The following MDH2 variants were observed in gnomAD, a reference collection of about 807,000 sequenced individuals.
MDH2 encodes the protein malate dehydrogenase, mitochondrial.
Under a neutral mutation model 33.6 loss-of-function variants are expected in MDH2, and 25 were observed. That is an observed-to-expected ratio of 0.74 (90% CI 0.54 to 1.04). MDH2 has a LOEUF of 1.04. Ranked by LOEUF, MDH2 falls within the 50% of genes least tolerant of loss-of-function variation. MDH2 has a pLI of 0.00. For synonymous variants in MDH2, 193 were observed against 188.7 expected, an observed-to-expected ratio of 1.02 and a Z score of -0.19; for missense variants, 432 against 445.0, an observed-to-expected ratio of 0.97 and a Z score of 0.26.
chr7:76,052,737 G>A (rs1797662703), intron 1 of MDH2, among the ~76,000 whole-genome samples: 1 of 151,782 alleles, frequency 6.6e-6, no homozygotes, highest in Admixed American at 6.6e-5. Context: ...GTAGAGATGG[G>A]GTTTTGCCAT....
chr7:76,066,547 G>C lies in MDH2; in HGVS notation c.*137G>C. On this transcript the variant is annotated 3_prime_UTR_variant, in exon 9 of 9. Coordinates refer to ENST00000315758, the MANE Select transcript of MDH2 (RefSeq NM_005918.4). ...GACATCATCATGCCTTCCAAATTGT[G>C]GGTGGCTCTGTGGGCGCATCAATAA... 8.8e-7 allele frequency: 1 copy of C among 1,133,798 alleles called. No homozygotes were observed. The highest frequency in any genetic ancestry group is 1.2e-6 in the Non-Finnish European group (1 of 853,708). The allele number at this position is 1,133,798 out of a possible 1,614,324, so 70.2% of individuals were successfully genotyped here. A position where few individuals can be genotyped will look rare whatever the true frequency, so the allele number is the denominator to read the frequency against.
At chr7:76,062,398 G>A (rs1013665394) in intron 5 of MDH2, among the ~76,000 whole-genome samples, 7 of 152,208 alleles carry the variant, frequency 4.6e-5, no homozygotes, top group Admixed American at 1.3e-4. Flanking sequence ...TGCAGTGCCC[G>A]CACGTGTGTG....
intron 5 of MDH2, among the ~76,000 whole-genome samples, chr7:76,063,263 G>A (rs1173718557): frequency 6.6e-6 from 1 of 152,222 alleles, no homozygotes; most frequent in East Asian, 1.9e-4. Context: ...CACTATGAAG[G>A]AAGGACTTGC....
chr7:76,056,250 C>T (rs1104879), intron 2 of MDH2, among the ~76,000 whole-genome samples: 65,206 of 152,102 alleles, frequency 0.43, 15,630 homozygotes, highest in African/African-American at 0.64. Flanking sequence ...AGTTGCAGTA[C>T]GTATCTTTAT....
At position 76,064,954 on chromosome 7, in the gene MDH2, G is replaced by A; in HGVS notation, c.885+1G>A. ...CTTCTCCACACCGCTGCTGCTTGGG[G>A]TACGTATCCAGGCGTGGGTCCTTCT... is the stretch of plus-strand genomic sequence containing the variant. On this transcript the variant is annotated splice_donor_variant, in intron 8 of 8. Coordinates refer to ENST00000315758, the MANE Select transcript of MDH2 (RefSeq NM_005918.4). LOFTEE classifies it high-confidence loss of function. The A allele has an allele frequency of 6.2e-7, 1 of 1,614,116 alleles. No individual in the cohort carries two copies. The highest frequency in any genetic ancestry group is 8.5e-7 in the Non-Finnish European group (1 of 1,180,000).
At chr7:76,062,742 C>T (rs1797989497) in intron 5 of MDH2, among the ~76,000 whole-genome samples, 1 of 152,152 alleles carries the variant, frequency 6.6e-6, no homozygotes, top group Admixed American at 6.5e-5. Context: ...TGGCAACACC[C>T]CATCTGTACA....
intron 5 of MDH2, 98 bp from the exon 6 acceptor site, chr7:76,063,417 C>A: frequency 1.7e-6 from 2 of 1,193,800 alleles, no homozygotes; most frequent in Non-Finnish European, 2.5e-6. Context: ...ACCCTGAGTT[C>A]TGGGGGGCTT....
chr7:76,065,960 T>C (rs1798084825), intron 8 of MDH2, among the ~76,000 whole-genome samples: 1 of 152,224 alleles, frequency 6.6e-6, no homozygotes, highest in Non-Finnish European at 1.5e-5. Context: ...CTTGTCGCAT[T>C]GTCCTCGTGT....
chr7:76,048,742 G>C lies in MDH2; in HGVS notation c.66+516G>C, dbSNP rs972000925. On this transcript the variant is annotated intron_variant, in intron 1 of 8. Transcript: ENST00000315758. The stretch of plus-strand genomic sequence containing the variant: ...CAGAGGATTAGAATTCAGCGCTTCT[G>C]ACCTGAAGACGGCTTCCTCTTAACC... The C allele has an allele frequency of 2.4e-6, 3 of 1,231,566 alleles. No homozygotes were observed. In the African/African-American group the frequency reaches 4.7e-5, roughly 19 times the overall value. The allele number at this position is 1,231,566 out of a possible 1,614,324, so 76.3% of individuals were successfully genotyped here.
chr7:76,066,104 C>T (rs1161477807), intron 8 of MDH2, among the ~76,000 whole-genome samples, 175 bp from the exon 9 acceptor site: 3 of 152,092 alleles, frequency 2.0e-5, no homozygotes, highest in African/African-American at 7.2e-5. Context: ...GAGCCTCGCA[C>T]TCCTGACCGC....
chr7:76,055,700 G>A (rs911221792), intron 2 of MDH2, among the ~76,000 whole-genome samples: 36 of 146,198 alleles, frequency 2.5e-4, no homozygotes, highest in Non-Finnish European at 5.3e-4. Flanking sequence ...TTACACCACT[G>A]CACTTCAGCC....
intron 5 of MDH2, among the ~76,000 whole-genome samples, chr7:76,061,431 A>T (rs1359325932): frequency 6.6e-6 from 1 of 152,156 alleles, no homozygotes; most frequent in Admixed American, 6.5e-5. Flanking sequence ...TTCAAAAGGC[A>T]TGGCCCCAGG....
chr7:76,059,722 G>C (rs2116682002), intron 4 of MDH2, among the ~76,000 whole-genome samples: 1 of 152,316 alleles, frequency 6.6e-6, no homozygotes, highest in Non-Finnish European at 1.5e-5. Flanking sequence ...TGGCCTCTAA[G>C]GGTCCTGCGT....
intron 5 of MDH2, among the ~76,000 whole-genome samples, chr7:76,062,204 A>T (rs1304720894): frequency 6.6e-6 from 1 of 152,134 alleles, no homozygotes; most frequent in Non-Finnish European, 1.5e-5. Flanking sequence ...CACCCACCAT[A>T]TTCCCTTTCA....
chr7:76,052,132 C>G (rs963759), intron 1 of MDH2, among the ~76,000 whole-genome samples: 32,378 of 152,078 alleles, frequency 0.21, 4,369 homozygotes, highest in African/African-American at 0.37. Flanking sequence ...ATTTAAGCAC[C>G]CTAGCGAGGG....
At chr7:76,060,277 C>A in intron 4 of MDH2, 96 bp from the exon 5 acceptor site, 1 of 1,518,932 alleles carries the variant, frequency 6.6e-7, no homozygotes. Flanking sequence ...CTAGTTAGAC[C>A]TTTGGGAAGG....
At chr7:76,049,052 G>T (rs1275156247) in intron 1 of MDH2, 1 of 984,872 alleles carries the variant, frequency 1.0e-6, no homozygotes, top group African/African-American at 1.8e-5. Context: ...AACCCAGGAG[G>T]TGCTCGCATT....
chr7:76,049,029 A>G (rs1186240070), intron 1 of MDH2: 44 of 977,680 alleles, frequency 4.5e-5, no homozygotes, highest in African/African-American at 5.5e-5. Flanking sequence ...ATCTAATTAA[A>G]CCTAATTTTG....
intron 1 of MDH2, among the ~76,000 whole-genome samples, chr7:76,053,900 C>T (rs182682396): frequency 6.6e-5 from 10 of 152,186 alleles, no homozygotes; most frequent in Admixed American, 3.9e-4. Flanking sequence ...TTGCTGGATG[C>T]GGGGCCGGGT....
Sources: gnomAD v4.1 joint callset for allele counts (sites outside exome capture counted in the v4.1 genomes callset) on GRCh38, gnomAD v4.1.1 for gene constraint, MANE v1.5 for transcripts, NCBI Gene and HGNC (gene_info 2026-07-23, HGNC 2026-07-21) for gene names.